SLC4A10: variants seen among roughly 807,000 people sequenced by gnomAD.
The protein encoded by SLC4A10 is sodium-driven chloride bicarbonate exchanger.
In SLC4A10, 42 loss-of-function variants were observed where a neutral mutation model predicts 137.7. The observed-to-expected ratio is 0.30, with a 90% CI of 0.24 to 0.39. The LOEUF (loss-of-function observed/expected upper bound fraction) is 0.39, where lower values mean the gene tolerates loss of function less well. Among genes scored for constraint, SLC4A10 ranks in the 10% least tolerant of loss-of-function variants. The pLI, the probability that SLC4A10 is intolerant of heterozygous loss-of-function variation, is 1.00. For missense variants in SLC4A10, 925 were observed against 1,355.0 expected (o/e 0.68, Z 4.98); for synonymous variants, 474 against 464.1 (o/e 1.02, Z -0.27).
chr2:161,751,521 C>G (rs1300786102), intron 1 of SLC4A10, among the ~76,000 whole-genome samples: 1 of 151,594 alleles, frequency 6.6e-6, no homozygotes, highest in African/African-American at 2.4e-5. Flanking sequence ...CATGTAGGAA[C>G]TCGCCTTTTA....
At chr2:161,717,305 G>T (rs966666442) in intron 1 of SLC4A10, among the ~76,000 whole-genome samples, 33 of 152,084 alleles carry the variant, frequency 2.2e-4, no homozygotes, top group Non-Finnish European at 1.5e-4. Context: ...TTGCCTGATT[G>T]CCCTGGCCAG....
chr2:161,630,039 T>C (rs1379256083), intron 1 of SLC4A10, among the ~76,000 whole-genome samples: 1 of 151,822 alleles, frequency 6.6e-6, no homozygotes, highest in East Asian at 1.9e-4. Context: ...TTTCAATTTC[T>C]TTGGGTAAAT....
chr2:161,918,894 G>T (rs1210964647), intron 15 of SLC4A10, among the ~76,000 whole-genome samples: 1 of 152,158 alleles, frequency 6.6e-6, no homozygotes. Context: ...CTGAGTTGGT[G>T]GGGTGGGAGC....
At chr2:161,912,749 C>T (rs1686159800) in intron 15 of SLC4A10, among the ~76,000 whole-genome samples, 1 of 152,138 alleles carries the variant, frequency 6.6e-6, no homozygotes, top group Non-Finnish European at 1.5e-5. Context: ...ATATCACTGA[C>T]TTGTTAATCA....
intron 2 of SLC4A10, among the ~76,000 whole-genome samples, chr2:161,798,704 CT>C (rs1559274514): frequency 6.6e-6 from 1 of 151,108 alleles, no homozygotes. Context: ...ACATATGTGT[CT>C]TTAAGTTAGA....
intron 8 of SLC4A10, 65 bp from the exon 9 acceptor site, chr2:161,879,066 C>A: frequency 6.8e-7 from 1 of 1,475,642 alleles, no homozygotes; most frequent in Non-Finnish European, 9.4e-7. Flanking sequence ...AAGCACTGTG[C>A]AAGAATATGA....
chr2:161,897,894 C>T (rs1307273406), intron 11 of SLC4A10, among the ~76,000 whole-genome samples: 2 of 152,036 alleles, frequency 1.3e-5, no homozygotes, highest in Non-Finnish European at 2.9e-5. Flanking sequence ...CACTGTAATA[C>T]CCATTAGCTA....
At chr2:161,803,474 G>A (rs2055590757) in intron 2 of SLC4A10, among the ~76,000 whole-genome samples, 1 of 152,106 alleles carries the variant, frequency 6.6e-6, no homozygotes, top group South Asian at 2.1e-4. Flanking sequence ...ACATTATCAA[G>A]GATGGTTTGA....
chr2:161,837,136 G>A (rs1182025997), intron 3 of SLC4A10, among the ~76,000 whole-genome samples: 1 of 151,960 alleles, frequency 6.6e-6, no homozygotes, highest in Non-Finnish European at 1.5e-5. Context: ...TAAATAAATA[G>A]AGAAAGAGCT....
chr2:161,744,661 A>G (rs1189610395), intron 1 of SLC4A10, among the ~76,000 whole-genome samples: 1 of 152,156 alleles, frequency 6.6e-6, no homozygotes, highest in Non-Finnish European at 1.5e-5. Context: ...TCAATGGATG[A>G]CAACTTAACT....
chr2:161,634,154 A>G (rs140097807), intron 1 of SLC4A10, among the ~76,000 whole-genome samples: 30 of 151,980 alleles, frequency 2.0e-4, no homozygotes, highest in Admixed American at 1.8e-3. Flanking sequence ...TGTGACAGTT[A>G]TTAAGTCTTT....
rs377627238 is a variant in SLC4A10, at chr2:161,862,980, A to G, written c.684A>G (p.Lys228=). 2 of 1,613,676 alleles carry G rather than the reference A, an allele frequency of 1.2e-6. No homozygotes were observed. The highest frequency in any genetic ancestry group is 8.5e-7 in the Non-Finnish European group (1 of 1,179,808). ...AGCATCATCATCAGAATCAGAAAAA[A>G]CTCACCAACAGGATTCCCATTGTTC... ...MKQHHHQNQK[K]LTNRIPIVRS... is the part of the protein sequence containing the mutation. The change falls in exon 6 of 27, where the codon AAA becomes AAG. Residue 228 remains lysine, a synonymous_variant. Coordinates refer to ENST00000446997, the MANE Select transcript of SLC4A10 (RefSeq NM_001178015.2).
chr2:161,980,519 CACACCTGTAATCCCA>C (rs888915316), intron 26 of SLC4A10, among the ~76,000 whole-genome samples: 1 of 152,038 alleles, frequency 6.6e-6, no homozygotes, highest in African/African-American at 2.4e-5. Flanking sequence ...TATGGTAACG[CACACCTGTAATCCCA>C]GCTACTCAGG....
Position 161,942,824 on chromosome 2 carries a change from A to T in SLC4A10, c.2030A>T (p.Asn677Ile), listed in dbSNP as rs1208796708. ...TGTGTGGAACCGCATAATCCCAGCA[A>T]TGGCACATTGAAGGAATGGAGGGAA... Reference protein sequence around the residue: ...CNCVEPHNPSNGTLKEWRESN... With the variant: ...CNCVEPHNPSIGTLKEWRESN... The change falls in exon 16 of 27, where the codon AAT becomes ATT. Residue 677 changes from asparagine (N) to isoleucine (I), a missense_variant. Physicochemically the swap from Asn to Ile is moderately radical, Grantham distance 149. Coordinates refer to ENST00000446997, the MANE Select transcript of SLC4A10 (RefSeq NM_001178015.2). 3.6e-5 allele frequency: 58 copies of T among 1,605,872 alleles called. No individual in the cohort carries two copies. Among genetic ancestry groups the T allele is most frequent in the Non-Finnish European group, 4.8e-5 (57 of 1,176,020 alleles).
intron 17 of SLC4A10, among the ~76,000 whole-genome samples, chr2:161,948,729 A>G (rs1048182366): frequency 2.0e-5 from 3 of 152,236 alleles, no homozygotes; most frequent in African/African-American, 4.8e-5. Flanking sequence ...AGAACAGATA[A>G]TTTTATTTTA....
chr2:161,840,311 G>T (rs2059103701), intron 4 of SLC4A10, among the ~76,000 whole-genome samples: 1 of 152,120 alleles, frequency 6.6e-6, no homozygotes, highest in Non-Finnish European at 1.5e-5. Flanking sequence ...CAAATATTAT[G>T]ATAAAATGCT....
intron 1 of SLC4A10, among the ~76,000 whole-genome samples, chr2:161,691,572 C>T (rs1336766858): frequency 6.6e-6 from 1 of 151,826 alleles, no homozygotes; most frequent in African/African-American, 2.4e-5. Context: ...ATCTCATGTA[C>T]CCCATGAATA....
rs935219844 is a variant in SLC4A10 at position 161,885,051 on chromosome 2, G to C, written c.1194+2607G>C. 2.6e-5 allele frequency among the ~76,000 whole-genome samples: 4 copies of C among 152,116 alleles called. No individual in the cohort carries two copies. In the South Asian group the frequency reaches 8.3e-4, roughly 31 times the overall value. On this transcript the variant is annotated intron_variant, in intron 10 of 26. Transcript: ENST00000446997. ...AAATTAGCTGGGTGTGGTGGCAGGT[G>C]CCTGTGGTCCCAGCTACTTGAGAGG...
intron 5 of SLC4A10, 49 bp from the exon 6 acceptor site, chr2:161,862,825 C>T (rs150966371): frequency 2.9e-6 from 4 of 1,403,252 alleles, no homozygotes; most frequent in Admixed American, 5.2e-5. Flanking sequence ...GGCTGGCACA[C>T]GTTCTAGAGG....
Sources: gnomAD v4.1 joint callset for allele counts (sites outside exome capture counted in the v4.1 genomes callset) on GRCh38, gnomAD v4.1.1 for gene constraint, MANE v1.5 for transcripts, NCBI Gene and HGNC (gene_info 2026-07-23, HGNC 2026-07-21) for gene names.